The following GMDS variants were observed in gnomAD, a reference collection of about 807,000 sequenced individuals.
GMDS encodes the protein GDP-mannose 4,6-dehydratase.
GMDS carries 20 observed loss-of-function variants against 49.9 expected under a neutral mutation model. That is an observed-to-expected ratio of 0.40 (90% CI 0.28 to 0.58). The LOEUF is 0.58. Ranked by LOEUF, GMDS falls within the 20% of genes least tolerant of loss-of-function variation. The pLI is 0.42. For missense variants in GMDS, 362 were observed against 481.4 expected (o/e 0.75, Z 2.32); for synonymous variants, 177 against 178.6 (o/e 0.99, Z 0.07).
At chr6:1,664,707 C>T (rs1473441900) in intron 9 of GMDS, among the ~76,000 whole-genome samples, 1 of 152,148 alleles carries the variant, frequency 6.6e-6, no homozygotes, top group Non-Finnish European at 1.5e-5. Flanking sequence ...TCTGGCCTAA[C>T]AGGGGGCAAT....
chr6:2,054,444 A>G (rs1208588395), intron 4 of GMDS, among the ~76,000 whole-genome samples: 1 of 152,148 alleles, frequency 6.6e-6, no homozygotes, highest in Non-Finnish European at 1.5e-5. Context: ...CCTAATTTTT[A>G]TGAATTTGCA....
chr6:2,063,708 A>C, intron 4 of GMDS, among the ~76,000 whole-genome samples: 1 of 152,180 alleles, frequency 6.6e-6, no homozygotes, highest in East Asian at 1.9e-4. Flanking sequence ...CACAATCTAG[A>C]GGGAACAAAG....
chr6:2,037,782 G>C (rs568218744), intron 4 of GMDS, among the ~76,000 whole-genome samples: 1 of 152,172 alleles, frequency 6.6e-6, no homozygotes, highest in South Asian at 2.1e-4. Context: ...TTAGCACTAA[G>C]GTCTCAAAGG....
intron 7 of GMDS, among the ~76,000 whole-genome samples, chr6:1,753,248 T>C (rs980139019): frequency 6.6e-6 from 1 of 152,120 alleles, no homozygotes; most frequent in Non-Finnish European, 1.5e-5. Context: ...AATCCTAGTC[T>C]CTGATAAAAC....
chr6:1,857,333 T>C (rs2113778232), intron 7 of GMDS, among the ~76,000 whole-genome samples: 1 of 152,334 alleles, frequency 6.6e-6, no homozygotes, highest in Admixed American at 6.5e-5. Flanking sequence ...CAGGATTACC[T>C]GGGTGACAGC....
intron 4 of GMDS, among the ~76,000 whole-genome samples, chr6:1,964,096 CA>C (rs1293759021): frequency 6.6e-6 from 1 of 152,196 alleles, no homozygotes; most frequent in Non-Finnish European, 1.5e-5. Flanking sequence ...CACACACAGA[CA>C]CAAACAATTG....
chr6:1,648,283 C>T (rs1361313192), intron 9 of GMDS, among the ~76,000 whole-genome samples: 2 of 152,172 alleles, frequency 1.3e-5, no homozygotes. Context: ...GTGGAAGTTA[C>T]GCTGGATACA....
chr6:1,732,784 C>T (rs917882679), intron 8 of GMDS, among the ~76,000 whole-genome samples: 3 of 151,852 alleles, frequency 2.0e-5, no homozygotes, highest in African/African-American at 7.3e-5. Flanking sequence ...AGGGAGGAAG[C>T]AGGGGTAGGA....
chr6:1,910,513 T>C (rs528935794), intron 7 of GMDS, among the ~76,000 whole-genome samples: 25 of 152,244 alleles, frequency 1.6e-4, no homozygotes, highest in African/African-American at 6.0e-4. Context: ...GATTCCATAT[T>C]CTCAGTTTCT....
chr6:1,679,449 G>A (rs1228459906), intron 9 of GMDS: 1 of 152,252 alleles, frequency 6.6e-6, no homozygotes, highest in Non-Finnish European at 1.5e-5. Flanking sequence ...AACTGGCATG[G>A]TGCTCTATCT....
intron 4 of GMDS, among the ~76,000 whole-genome samples, chr6:2,083,616 T>C (rs151044659): frequency 0.011 from 1,674 of 152,312 alleles, 19 homozygotes; most frequent in Non-Finnish European, 0.017. Flanking sequence ...CCCAAACATC[T>C]TCTAGATAAT....
chr6:2,208,123 G>A (rs1247653634), intron 1 of GMDS, among the ~76,000 whole-genome samples: 2 of 152,054 alleles, frequency 1.3e-5, no homozygotes, highest in African/African-American at 4.8e-5. Flanking sequence ...CACACATCAT[G>A]TAAGAGAAGT....
intron 1 of GMDS, among the ~76,000 whole-genome samples, chr6:2,202,406 TCGAG>T: frequency 6.7e-6 from 1 of 150,176 alleles, no homozygotes; most frequent in Admixed American, 6.7e-5. Context: ...GTAAGCACAG[TCGAG>T]TAAGACTGCT....
chr6:1,907,011 C>CA (rs1760811096), intron 7 of GMDS, among the ~76,000 whole-genome samples: 1 of 152,150 alleles, frequency 6.6e-6, no homozygotes, highest in South Asian at 2.1e-4. Flanking sequence ...GGTGAGAACT[C>CA]AGATGCACTG....
chr6:2,209,602 C>T (rs1181736203), intron 1 of GMDS, among the ~76,000 whole-genome samples: 1 of 151,448 alleles, frequency 6.6e-6, no homozygotes, highest in African/African-American at 2.4e-5. Flanking sequence ...CACACACACA[C>T]ACGTTCTCTC....
At chr6:2,069,639 T>C (rs1771854271) in intron 4 of GMDS, among the ~76,000 whole-genome samples, 1 of 152,166 alleles carries the variant, frequency 6.6e-6, no homozygotes, top group African/African-American at 2.4e-5. Flanking sequence ...AAAGAAGACA[T>C]TTATGCAGCC....
intron 9 of GMDS, among the ~76,000 whole-genome samples, chr6:1,642,075 TCA>T (rs1205293968): frequency 6.7e-6 from 1 of 150,020 alleles, no homozygotes; most frequent in Non-Finnish European, 1.5e-5. Context: ...CTGTCCTCGC[TCA>T]CTTGGAACCC....
chr6:1,969,424 A>G (rs1764475188), intron 4 of GMDS, among the ~76,000 whole-genome samples: 1 of 152,080 alleles, frequency 6.6e-6, no homozygotes, highest in African/African-American at 2.4e-5. Flanking sequence ...AATTTTAGTA[A>G]GGAAAAACAT....
At chr6:1,958,507 A>G (rs1384552947) in intron 6 of GMDS, among the ~76,000 whole-genome samples, 1 of 152,174 alleles carries the variant, frequency 6.6e-6, no homozygotes, top group Non-Finnish European at 1.5e-5. Context: ...TTCATTAAAG[A>G]AATGTTTCTC....
Sources: allele counts gnomAD v4.1 joint callset (sites outside exome capture counted in the v4.1 genomes callset), GRCh38; gene constraint gnomAD v4.1.1; transcripts MANE v1.5; gene names NCBI Gene and HGNC (gene_info 2026-07-23, HGNC 2026-07-21).